The following NUBPL variants were observed in gnomAD, a reference collection of about 807,000 sequenced individuals.
NUBPL encodes iron-sulfur cluster transfer protein NUBPL.
A neutral mutation model predicts 45.7 loss-of-function variants in NUBPL; 31 were observed. The observed-to-expected ratio is 0.68, with a 90% confidence interval of 0.51 to 0.92. The LOEUF (loss-of-function observed/expected upper bound fraction) is 0.92, where lower values mean the gene tolerates loss of function less well. Among genes scored for constraint, NUBPL ranks in the 40% least tolerant of loss-of-function variants. The probability of loss-of-function intolerance (pLI) is 0.00; values close to 1 mark genes in which losing one functional copy is unlikely to be tolerated. For missense variants in NUBPL, 401 were observed against 398.7 expected (o/e 1.01, Z -0.05); for synonymous variants, 144 against 140.9 (o/e 1.02, Z -0.15).
At chr14:31,621,693 T>C (rs1186887841) in intron 4 of NUBPL, among the ~76,000 whole-genome samples, 1 of 152,250 alleles carries the variant, frequency 6.6e-6, no homozygotes, top group Non-Finnish European at 1.5e-5. Context: ...GCCTTCTGCG[T>C]CGATCTCGCT....
chr14:31,736,118 G>A (rs566511057), intron 6 of NUBPL, among the ~76,000 whole-genome samples: 130 of 152,168 alleles, frequency 8.5e-4, no homozygotes, highest in African/African-American at 3.1e-3. Flanking sequence ...ATAAATAAGT[G>A]TTTGTCTGAA....
intron 4 of NUBPL, among the ~76,000 whole-genome samples, chr14:31,640,544 G>A (rs151121693): frequency 0.047 from 7,088 of 150,800 alleles, 212 homozygotes; most frequent in Admixed American, 0.066. Context: ...GAACCTGGGA[G>A]GTGGAGGTTG....
intron 6 of NUBPL, among the ~76,000 whole-genome samples, chr14:31,693,225 C>T (rs1036739932): frequency 6.6e-6 from 1 of 152,150 alleles, no homozygotes; most frequent in Non-Finnish European, 1.5e-5. Flanking sequence ...AGTTGTAAGG[C>T]ATCCATAATT....
chr14:31,603,904 A>G lies in NUBPL; in HGVS notation c.382+4525A>G, dbSNP rs79741167. On this transcript the variant is annotated intron_variant, in intron 4 of 10. Transcript: ENST00000281081. ...CAAAGAAGGAGTAATGAATTTGCAT[A>G]CTTTAAATGATAGATTCATTATGTT... Among the ~76,000 whole-genome samples, 847 of 152,302 alleles carry G rather than the reference A, an allele frequency of 5.6e-3. 9 individuals carry two copies. Among genetic ancestry groups the G allele is most frequent in the African/African-American group, 0.019 (803 of 41,576 alleles).
At chr14:31,792,004 C>T (rs905958674) in intron 7 of NUBPL, among the ~76,000 whole-genome samples, 3 of 152,068 alleles carry the variant, frequency 2.0e-5, no homozygotes, top group Non-Finnish European at 4.4e-5. Flanking sequence ...TTTCTATTTT[C>T]TTAAATCTCA....
chr14:31,840,557 G>C (rs1440018631), intron 8 of NUBPL, among the ~76,000 whole-genome samples: 2 of 144,128 alleles, frequency 1.4e-5, no homozygotes, highest in African/African-American at 5.1e-5. Context: ...CTGGGCAACA[G>C]AGCAAGACTC....
At chr14:31,637,433 A>T (rs1439473161) in intron 4 of NUBPL, among the ~76,000 whole-genome samples, 3 of 152,124 alleles carry the variant, frequency 2.0e-5, no homozygotes, top group Admixed American at 1.3e-4. Flanking sequence ...TTCTAGTTTG[A>T]TTGCACTGTG....
chr14:31,853,792 C>A (rs190118278), intron 10 of NUBPL, among the ~76,000 whole-genome samples: 58 of 152,184 alleles, frequency 3.8e-4, no homozygotes, highest in African/African-American at 1.3e-3. Flanking sequence ...TAGTGTAAAG[C>A]AGCCAAAGAA....
At chr14:31,696,792 A>G (rs1362826502) in intron 6 of NUBPL, among the ~76,000 whole-genome samples, 4 of 152,240 alleles carry the variant, frequency 2.6e-5, no homozygotes, top group Non-Finnish European at 5.9e-5. Flanking sequence ...CCTTCAGAAC[A>G]TAGAATTGGG....
At chr14:31,803,524 C>T (rs903723785) in intron 7 of NUBPL, among the ~76,000 whole-genome samples, 1 of 152,062 alleles carries the variant, frequency 6.6e-6, no homozygotes, top group Non-Finnish European at 1.5e-5. Context: ...CATTACGTTT[C>T]CTAATATTAA....
intron 3 of NUBPL, among the ~76,000 whole-genome samples, chr14:31,597,293 C>T (rs10134149): frequency 0.038 from 5,715 of 152,174 alleles, 150 homozygotes; most frequent in African/African-American, 0.081. Context: ...GTAATTTCCC[C>T]CTCCTCCTTA....
At chr14:31,719,947 G>A (rs963361750) in intron 6 of NUBPL, among the ~76,000 whole-genome samples, 1 of 152,070 alleles carries the variant, frequency 6.6e-6, no homozygotes, top group Non-Finnish European at 1.5e-5. Flanking sequence ...TAATGATATA[G>A]TATGCCATCT....
intron 4 of NUBPL, among the ~76,000 whole-genome samples, chr14:31,660,482 C>A (rs2036243182): frequency 6.6e-6 from 1 of 152,030 alleles, no homozygotes; most frequent in Admixed American, 6.6e-5. Flanking sequence ...TACTGGATGC[C>A]CTTTCCTTTC....
At chr14:31,772,702 C>T (rs899186692) in intron 6 of NUBPL, among the ~76,000 whole-genome samples, 1 of 152,044 alleles carries the variant, frequency 6.6e-6, no homozygotes, top group Non-Finnish European at 1.5e-5. Flanking sequence ...ATCGTCAGGG[C>T]CAGCCTGCTG....
At chr14:31,582,552 A>C (rs1405212782) in intron 3 of NUBPL, among the ~76,000 whole-genome samples, 1 of 152,086 alleles carries the variant, frequency 6.6e-6, no homozygotes, top group Non-Finnish European at 1.5e-5. Context: ...GCAACACTGG[A>C]GTAGAACTTT....
At chr14:31,707,494 T>C (rs1012578264) in intron 6 of NUBPL, among the ~76,000 whole-genome samples, 7 of 152,228 alleles carry the variant, frequency 4.6e-5, no homozygotes, top group Non-Finnish European at 1.0e-4. Flanking sequence ...TTTCTTTGAC[T>C]TTTTGTCTCT....
At chr14:31,772,386 C>T (rs1189634757) in intron 6 of NUBPL, among the ~76,000 whole-genome samples, 5 of 152,150 alleles carry the variant, frequency 3.3e-5, no homozygotes, top group Non-Finnish European at 5.9e-5. Context: ...TCAATAACAT[C>T]ACCTTCCTAG....
chr14:31,636,964 AT>A (rs1293031468), intron 4 of NUBPL, among the ~76,000 whole-genome samples: 3 of 151,872 alleles, frequency 2.0e-5, no homozygotes, highest in Non-Finnish European at 2.9e-5. Flanking sequence ...TATTGTGTCT[AT>A]TTGATTCTTC....
chr14:31,699,067 C>T (rs1204256109), intron 6 of NUBPL, among the ~76,000 whole-genome samples: 1 of 152,086 alleles, frequency 6.6e-6, no homozygotes, highest in African/African-American at 2.4e-5. Flanking sequence ...GTTGGTCAGG[C>T]TTGTCTTGAA....
Sources: allele counts gnomAD v4.1 joint callset (sites outside exome capture counted in the v4.1 genomes callset), GRCh38; gene constraint gnomAD v4.1.1; transcripts MANE v1.5; gene names NCBI Gene and HGNC (gene_info 2026-07-23, HGNC 2026-07-21).